The following AGBL4 variants were observed in gnomAD, a reference collection of about 807,000 sequenced individuals.
The protein encoded by AGBL4 is AGBL carboxypeptidase 4.
A neutral mutation model predicts 66.4 loss-of-function variants in AGBL4; 58 were observed. That is an observed-to-expected ratio of 0.87 (90% CI 0.71 to 1.09). The LOEUF is 1.09. Among genes scored for constraint, AGBL4 ranks in the 50% least tolerant of loss-of-function variants. AGBL4 has a pLI of 0.00. For synonymous variants in AGBL4, 234 were observed against 222.9 expected (o/e 1.05, Z -0.44); for missense variants, 579 against 631.0 (o/e 0.92, Z 0.88).
chr1:49,010,215 AG>A (rs1662277973), intron 5 of AGBL4, among the ~76,000 whole-genome samples: 1 of 149,198 alleles, frequency 6.7e-6, no homozygotes, highest in African/African-American at 2.5e-5. Context: ...AAAAATCACA[AG>A]CATTCTTATA....
chr1:48,859,794 G>A (rs1165658184), intron 6 of AGBL4, among the ~76,000 whole-genome samples: 1 of 152,078 alleles, frequency 6.6e-6, no homozygotes, highest in Non-Finnish European at 1.5e-5. Context: ...CTTATTCTAG[G>A]AATTTTTCCT....
At chr1:49,753,103 C>A (rs904837421) in intron 2 of AGBL4, among the ~76,000 whole-genome samples, 4 of 152,168 alleles carry the variant, frequency 2.6e-5, no homozygotes, top group Admixed American at 2.6e-4. Context: ...GAATTGGATC[C>A]TGTCATATGA....
intron 3 of AGBL4, among the ~76,000 whole-genome samples, chr1:49,596,807 C>A (rs1644861628): frequency 6.6e-6 from 1 of 152,188 alleles, no homozygotes; most frequent in South Asian, 2.1e-4. Context: ...GGTCCATTTT[C>A]ATTAATACCA....
At chr1:48,830,790 G>T (rs1445040149) in intron 6 of AGBL4, among the ~76,000 whole-genome samples, 1 of 152,126 alleles carries the variant, frequency 6.6e-6, no homozygotes, top group Non-Finnish European at 1.5e-5. Flanking sequence ...TTGGATAATT[G>T]TATAAAAATG....
chr1:49,840,650 C>T (rs1328430509), intron 2 of AGBL4, among the ~76,000 whole-genome samples: 1 of 152,014 alleles, frequency 6.6e-6, no homozygotes, highest in Admixed American at 6.6e-5. Context: ...ATCCAACAGC[C>T]CATCAAAAAG....
chr1:49,901,141 A>G (rs1226196975), intron 1 of AGBL4, among the ~76,000 whole-genome samples: 1 of 152,200 alleles, frequency 6.6e-6, no homozygotes, highest in Non-Finnish European at 1.5e-5. Context: ...CAAGACAAGG[A>G]TGACTTCTAT....
At chr1:49,894,516 T>A (rs905669833) in intron 1 of AGBL4, among the ~76,000 whole-genome samples, 1 of 151,958 alleles carries the variant, frequency 6.6e-6, no homozygotes, top group Non-Finnish European at 1.5e-5. Context: ...TTCAAAATCA[T>A]AAAGAGAAGG....
At chr1:49,690,977 G>A (rs1646875865) in intron 3 of AGBL4, among the ~76,000 whole-genome samples, 1 of 152,150 alleles carries the variant, frequency 6.6e-6, no homozygotes, top group Non-Finnish European at 1.5e-5. Context: ...TGGAATGTAT[G>A]TCTAACGAAA....
intron 1 of AGBL4, among the ~76,000 whole-genome samples, chr1:49,956,368 A>G (rs910211713): frequency 3.9e-5 from 6 of 151,938 alleles, no homozygotes; most frequent in Non-Finnish European, 8.8e-5. Context: ...CTAACTTTAG[A>G]TCAATATTAA....
intron 3 of AGBL4, among the ~76,000 whole-genome samples, chr1:49,364,025 CT>C (rs1399837536): frequency 6.6e-6 from 1 of 152,132 alleles, no homozygotes; most frequent in Non-Finnish European, 1.5e-5. Flanking sequence ...AGATTGAATT[CT>C]CAATGACAAG....
intron 6 of AGBL4, among the ~76,000 whole-genome samples, chr1:48,848,152 C>T (rs974929423): frequency 3.3e-5 from 5 of 152,172 alleles, no homozygotes; most frequent in Non-Finnish European, 5.9e-5. Context: ...ATATTCTTTC[C>T]TGTTTGGGCT....
At chr1:49,959,231 T>C (rs1181139310) in intron 1 of AGBL4, among the ~76,000 whole-genome samples, 1 of 151,996 alleles carries the variant, frequency 6.6e-6, no homozygotes, top group African/African-American at 2.4e-5. Context: ...CAGATAGTTT[T>C]ATCAGGCTGT....
chr1:49,591,904 A>G (rs1236556649), intron 3 of AGBL4, among the ~76,000 whole-genome samples: 1 of 152,140 alleles, frequency 6.6e-6, no homozygotes, highest in Admixed American at 6.6e-5. Flanking sequence ...ATTGAAAATC[A>G]ATTCCTTCCT....
At chr1:48,777,149 G>A (rs1351333760) in intron 6 of AGBL4, among the ~76,000 whole-genome samples, 3 of 152,114 alleles carry the variant, frequency 2.0e-5, no homozygotes, top group African/African-American at 2.4e-5. Flanking sequence ...AATGGGGAGG[G>A]AAAAGGGTTC....
At chr1:49,561,511 T>C (rs1012699623) in intron 3 of AGBL4, among the ~76,000 whole-genome samples, 5 of 151,674 alleles carry the variant, frequency 3.3e-5, no homozygotes, top group Non-Finnish European at 7.4e-5. Flanking sequence ...CCTGTGTCCA[T>C]GTGTTCTCAT....
intron 1 of AGBL4, among the ~76,000 whole-genome samples, chr1:49,986,352 T>C (rs924589467): frequency 2.0e-5 from 3 of 152,146 alleles, no homozygotes; most frequent in Admixed American, 2.0e-4. Flanking sequence ...GCCCATTTCT[T>C]TAACTCAATA....
chr1:49,978,532 A>G (rs1658774851), intron 1 of AGBL4, among the ~76,000 whole-genome samples: 1 of 152,250 alleles, frequency 6.6e-6, no homozygotes, highest in Admixed American at 6.5e-5. Context: ...GGGACAATTT[A>G]AAATAGTAGT....
intron 3 of AGBL4, among the ~76,000 whole-genome samples, chr1:49,694,184 C>T (rs1646940652): frequency 2.0e-5 from 3 of 151,908 alleles, no homozygotes; most frequent in South Asian, 4.1e-4. Context: ...ACCTAAATAA[C>T]GTTCTTGACT....
intron 1 of AGBL4, among the ~76,000 whole-genome samples, chr1:49,854,442 A>G (rs1646383723): frequency 6.6e-6 from 1 of 152,168 alleles, no homozygotes; most frequent in Non-Finnish European, 1.5e-5. Context: ...TGCCTGCAAT[A>G]GCCACAGGAG....
Sources: gnomAD v4.1 joint callset for allele counts (sites outside exome capture counted in the v4.1 genomes callset) on GRCh38, gnomAD v4.1.1 for gene constraint, MANE v1.5 for transcripts, NCBI Gene and HGNC (gene_info 2026-07-23, HGNC 2026-07-21) for gene names.